Variants in TP63 observed in about 807,000 individuals in gnomAD.
TP63 encodes the protein tumor protein 63.
A neutral mutation model predicts 82.8 loss-of-function variants in TP63; 17 were observed. The observed-to-expected ratio is 0.21, with a 90% CI of 0.14 to 0.31. The LOEUF (loss-of-function observed/expected upper bound fraction) is 0.31, where lower values mean the gene tolerates loss of function less well. TP63 is among the 10% of genes least tolerant of loss of function. TP63 has a pLI of 1.00. For synonymous variants in TP63, 330 were observed against 321.7 expected (o/e 1.03, Z -0.28); for missense variants, 648 against 895.3 (o/e 0.72, Z 3.52).
intron 4 of TP63, among the ~76,000 whole-genome samples, chr3:189,861,130 A>G (rs1419031788): frequency 1.3e-5 from 2 of 148,158 alleles, no homozygotes; most frequent in South Asian, 4.4e-4. Context: ...TTGGCCAGGC[A>G]TGTCTTGAGC....
chr3:189,816,341 G>T (rs1728180841), intron 4 of TP63, among the ~76,000 whole-genome samples: 1 of 152,144 alleles, frequency 6.6e-6, no homozygotes, highest in African/African-American at 2.4e-5. Context: ...TTTATTGTGG[G>T]ATTGTCGCTC....
At chr3:189,671,874 A>G (rs747958448) in intron 1 of TP63, among the ~76,000 whole-genome samples, 4 of 152,124 alleles carry the variant, frequency 2.6e-5, no homozygotes, top group Non-Finnish European at 4.4e-5. Context: ...AACTGTGGTT[A>G]TCAGAGGCTG....
chr3:189,741,122 C>T (rs188486511), intron 3 of TP63, among the ~76,000 whole-genome samples: 3 of 151,230 alleles, frequency 2.0e-5, no homozygotes, highest in Non-Finnish European at 2.9e-5. Context: ...TTGGAGGCAT[C>T]TGTATTGAAA....
chr3:189,706,638 G>A (rs1019921621), intron 1 of TP63, among the ~76,000 whole-genome samples: 11 of 152,098 alleles, frequency 7.2e-5, no homozygotes, highest in Non-Finnish European at 1.6e-4. Context: ...GTGACATCCA[G>A]CAATACATCT....
intron 4 of TP63, among the ~76,000 whole-genome samples, chr3:189,822,805 A>C (rs973705636): frequency 2.0e-5 from 3 of 152,128 alleles, no homozygotes; most frequent in African/African-American, 7.2e-5. Flanking sequence ...TTTCCTAGAG[A>C]TATTTTAGAC....
At chr3:189,733,747 T>A (rs1469001159) in intron 1 of TP63, among the ~76,000 whole-genome samples, 1 of 152,232 alleles carries the variant, frequency 6.6e-6, no homozygotes, top group Admixed American at 6.5e-5. Context: ...TTGAGAGTAT[T>A]TATAAGTTTC....
At chr3:189,708,314 T>G (rs1372639157) in intron 1 of TP63, among the ~76,000 whole-genome samples, 1 of 152,224 alleles carries the variant, frequency 6.6e-6, no homozygotes, top group Non-Finnish European at 1.5e-5. Flanking sequence ...CAACCTGTTG[T>G]TTCGTGAACA....
At chr3:189,814,022 G>T (rs1380245692) in intron 4 of TP63, among the ~76,000 whole-genome samples, 1 of 152,168 alleles carries the variant, frequency 6.6e-6, no homozygotes, top group African/African-American at 2.4e-5. Context: ...GCGTTTGAAA[G>T]GGGAACAGCC....
chr3:189,614,643 A>T, the TP63 span, among the ~76,000 whole-genome samples: 1 of 152,130 alleles, frequency 6.6e-6, no homozygotes, highest in African/African-American at 2.4e-5. Context: ...ATTATTTTGT[A>T]TCTCTTGCTT....
intron 3 of TP63, among the ~76,000 whole-genome samples, chr3:189,790,849 T>C (rs1418996213): frequency 6.6e-6 from 1 of 152,090 alleles, no homozygotes; most frequent in Non-Finnish European, 1.5e-5. Flanking sequence ...AGTATTCCGG[T>C]GCAGACCGCA....
At chr3:189,646,052 T>G (rs1169026221) in intron 1 of TP63, among the ~76,000 whole-genome samples, 2 of 147,416 alleles carry the variant, frequency 1.4e-5, no homozygotes, top group Non-Finnish European at 3.0e-5. Flanking sequence ...GTGAACACAT[T>G]CAATTTGAGA....
chr3:189,654,558 A>G (rs1324852691), intron 1 of TP63, among the ~76,000 whole-genome samples: 1 of 152,172 alleles, frequency 6.6e-6, no homozygotes, highest in Non-Finnish European at 1.5e-5. Context: ...TTTCAATGGA[A>G]TCTTTGTGGT....
At chr3:189,883,932 G>A (rs1479511111) in intron 10 of TP63, among the ~76,000 whole-genome samples, 8 of 131,380 alleles carry the variant, frequency 6.1e-5, no homozygotes, top group East Asian at 2.2e-4. Flanking sequence ...TACTCTGAGC[G>A]TCCAGAAAAA....
At position 189,864,390 on chromosome 3, in the gene TP63, C is replaced by T. The variant is rs1192374789; in HGVS notation, c.738C>T (p.Asn246=). Reference sequence around the variant, plus strand: ...CGGAGGTGGTGAAGCGGTGCCCCAACCATGAGCTGAGCCGTGAATTCAACG... The same window carrying T: ...CGGAGGTGGTGAAGCGGTGCCCCAATCATGAGCTGAGCCGTGAATTCAACG... ...HVTEVVKRCP[N]HELSREFNEG... is the part of the protein sequence containing the mutation. Residue 246 remains asparagine, a synonymous_variant, in exon 5 of 14, where the codon AAC becomes AAT. Coordinates refer to ENST00000264731, the MANE Select transcript of TP63 (RefSeq NM_003722.5). The T allele has an allele frequency of 1.1e-5, 17 of 1,613,710 alleles. No homozygotes were observed. Among genetic ancestry groups the T allele is most frequent in the African/African-American group, 2.7e-5 (2 of 74,916 alleles).
chr3:189,631,185 AATTGCCAACAACAAGTGTGGCTACT>A, upstream of TP63: 9 of 940,242 alleles, frequency 9.6e-6, no homozygotes, highest in Non-Finnish European at 1.1e-5. Context: ...TCCAGCTCCA[AATTGCCAACAACAAGTGTGGCTACT>A]ATACGTCAAG....
At chr3:189,831,519 G>A (rs1225340348) in intron 4 of TP63, among the ~76,000 whole-genome samples, 2 of 151,312 alleles carry the variant, frequency 1.3e-5, no homozygotes, top group African/African-American at 4.9e-5. Flanking sequence ...TCTTCATGTT[G>A]AGGATGAGGA....
rs142762485 is a variant in TP63 at position 189,894,284 on chromosome 3, G to A, written c.1825G>A (p.Glu609Lys). The A allele has an allele frequency of 2.5e-6, 4 of 1,613,880 alleles. No individual in the cohort carries two copies. The highest frequency in any genetic ancestry group is 3.4e-6 in the Non-Finnish European group (4 of 1,180,002). Residue 609 changes from glutamate (E) to lysine (K), a missense_variant, in exon 14 of 14, where the codon GAA (glutamate) becomes AAA (lysine). Glu to Lys is a moderately conservative substitution (Grantham distance 56). Around this residue, in one of 5 missense-constraint regions of TP63, gnomAD observed 342 missense variants for 425.7 expected, o/e 0.80. Transcript: ENST00000264731. ...KGILDHRQLH[E>K]FSSPSHLLRT... ...CATCCTGGACCACCGGCAGCTCCAC[G>A]AATTCTCCTCCCCTTCTCATCTCCT...
chr3:189,735,352 A>T (rs1720504267), intron 1 of TP63, among the ~76,000 whole-genome samples: 1 of 152,174 alleles, frequency 6.6e-6, no homozygotes, highest in Non-Finnish European at 1.5e-5. Context: ...CTAGAGTTTA[A>T]GGCTTATTTA....
chr3:189,643,443 C>CT (rs1712101490), intron 1 of TP63, among the ~76,000 whole-genome samples: 1 of 120,630 alleles, frequency 8.3e-6, no homozygotes, highest in African/African-American at 2.7e-5. Context: ...AAAAGCTATC[C>CT]TTTAAACTGA....
Sources: allele counts gnomAD v4.1 joint callset (sites outside exome capture counted in the v4.1 genomes callset), GRCh38; gene constraint gnomAD v4.1.1; regional missense constraint gnomAD v4.1.1; transcripts MANE v1.5; gene names NCBI Gene and HGNC (gene_info 2026-07-23, HGNC 2026-07-21).